Variants in F13A1 observed in about 807,000 individuals in gnomAD.
F13A1 encodes FSF, A subunit.
In F13A1, 47 loss-of-function variants were observed where a neutral mutation model predicts 80.1. The observed-to-expected ratio is 0.59, with a 90% confidence interval of 0.46 to 0.75. The LOEUF is 0.75. Ranked by LOEUF, F13A1 falls within the 30% of genes least tolerant of loss-of-function variation. F13A1 has a pLI of 0.00. For missense variants in F13A1, 817 were observed against 930.4 expected (o/e 0.88, Z 1.59); for synonymous variants, 349 against 344.9 (o/e 1.01, Z -0.13).
At chr6:6,291,665 G>A (rs1758226057) in intron 3 of F13A1, among the ~76,000 whole-genome samples, 1 of 152,124 alleles carries the variant, frequency 6.6e-6, no homozygotes, top group Non-Finnish European at 1.5e-5. Context: ...GAGTGACACT[G>A]CAACCCCCTT....
At chr6:6,259,602 T>C (rs545477831) in intron 4 of F13A1, among the ~76,000 whole-genome samples, 1 of 152,266 alleles carries the variant, frequency 6.6e-6, no homozygotes, top group Non-Finnish European at 1.5e-5. Flanking sequence ...ACACCAGATA[T>C]GTTTTTGACT....
chr6:6,311,037 T>C (rs9689553), intron 2 of F13A1, among the ~76,000 whole-genome samples: 22,459 of 88,028 alleles, frequency 0.26, 2,045 homozygotes, highest in Non-Finnish European at 0.28. Flanking sequence ...GAAACATCTG[T>C]CTTTTTTTTT....
At chr6:6,255,180 T>C (rs1252658431) in intron 4 of F13A1, among the ~76,000 whole-genome samples, 2 of 152,196 alleles carry the variant, frequency 1.3e-5, no homozygotes, top group Non-Finnish European at 2.9e-5. Flanking sequence ...TTAATGATTA[T>C]ATTTATTGAA....
At chr6:6,152,796 C>T (rs1022181303) in intron 13 of F13A1, among the ~76,000 whole-genome samples, 1 of 152,158 alleles carries the variant, frequency 6.6e-6, no homozygotes, top group Admixed American at 6.5e-5. Flanking sequence ...CCAACATAAA[C>T]GCAATGTGCC....
At chr6:6,149,796 A>G (rs1022643949) in intron 14 of F13A1, among the ~76,000 whole-genome samples, 1 of 152,166 alleles carries the variant, frequency 6.6e-6, no homozygotes, top group Non-Finnish European at 1.5e-5. Context: ...GTCTGCCTAG[A>G]CTTACGTGTT....
At chr6:6,233,138 A>G (rs1757374222) in intron 6 of F13A1, among the ~76,000 whole-genome samples, 1 of 152,108 alleles carries the variant, frequency 6.6e-6, no homozygotes, top group African/African-American at 2.4e-5. Context: ...AACAAACAAA[A>G]ATACAAAAGA....
chr6:6,212,559 T>C (rs1376277583), intron 8 of F13A1, among the ~76,000 whole-genome samples: 3 of 151,916 alleles, frequency 2.0e-5, no homozygotes, highest in African/African-American at 7.3e-5. Flanking sequence ...CAAAAGTAGA[T>C]AAAACCACAA....
chr6:6,156,025 T>C (rs1583046052), intron 13 of F13A1, among the ~76,000 whole-genome samples: 2 of 152,360 alleles, frequency 1.3e-5, no homozygotes, highest in Non-Finnish European at 2.9e-5. Context: ...TTATGTGTAT[T>C]TGCTTTAGAG....
intron 8 of F13A1, among the ~76,000 whole-genome samples, chr6:6,199,591 CTAGT>C (rs766290208): frequency 7.2e-5 from 11 of 152,154 alleles, no homozygotes; most frequent in African/African-American, 1.4e-4. Context: ...GAGGTCACAG[CTAGT>C]TAGTGATAGA....
intron 6 of F13A1, among the ~76,000 whole-genome samples, chr6:6,236,000 A>T (rs1261954793): frequency 6.6e-6 from 1 of 152,170 alleles, no homozygotes; most frequent in Non-Finnish European, 1.5e-5. Context: ...AAAAAACAGC[A>T]TGGATGAAGC....
At chr6:6,190,581 T>C (rs1389383790) in intron 10 of F13A1, among the ~76,000 whole-genome samples, 1 of 151,830 alleles carries the variant, frequency 6.6e-6, no homozygotes, top group Non-Finnish European at 1.5e-5. Context: ...GTCTGCCCCT[T>C]CTCAGATCTC....
intron 8 of F13A1, among the ~76,000 whole-genome samples, chr6:6,208,653 T>A (rs1761538582): frequency 6.6e-6 from 1 of 152,148 alleles, no homozygotes; most frequent in African/African-American, 2.4e-5. Flanking sequence ...CTTTTTTACT[T>A]TTTTTCTTTT....
intron 12 of F13A1, among the ~76,000 whole-genome samples, chr6:6,174,110 C>T (rs1218291802): frequency 6.6e-6 from 1 of 151,576 alleles, no homozygotes; most frequent in African/African-American, 2.4e-5. Flanking sequence ...GGCTTTTGGG[C>T]CGAGTGCGGT....
In F13A1 at chr6:6,243,823, G is replaced by A. The variant is rs972731431; in HGVS notation, c.798+4489C>T. Among the ~76,000 whole-genome samples the A allele has an allele frequency of 6.6e-6, 1 of 152,180 alleles. No individual in the cohort carries two copies. The highest frequency in any genetic ancestry group is 2.4e-5 in the African/African-American group (1 of 41,436). On this transcript the variant is annotated intron_variant, in intron 6 of 14. Coordinates refer to ENST00000264870, the MANE Select transcript of F13A1 (RefSeq NM_000129.4). This position sits in a 1 kb window ranked among gnomAD's most constrained non-coding sequence, Gnocchi z 4.2. ...CCACTGGTAATGCCTTGACCCACTG[G>A]AGCAAATATGGATGGAGGTGGTACA...
At chr6:6,273,429 A>G (rs1757947572) in intron 3 of F13A1, among the ~76,000 whole-genome samples, 2 of 152,202 alleles carry the variant, frequency 1.3e-5, no homozygotes, top group African/African-American at 4.8e-5. Flanking sequence ...ACCCCTCACA[A>G]GAAAGAAACT....
Position 6,197,333 on chromosome 6 carries a change from A to G in F13A1, c.1113-7T>C. 6.2e-7 allele frequency: 1 copy of G among 1,613,382 alleles called. No homozygotes were observed. The highest frequency in any genetic ancestry group is 8.5e-7 in the Non-Finnish European group (1 of 1,179,362). The stretch of plus-strand genomic sequence containing the variant: ...ATTCCAGCAGTGGTAGTTCCTTAGA[A>G]AACACAAGCCCAGAAAGGTTAAACT... On this transcript the variant is annotated splice_polypyrimidine_tract_variant and splice_region_variant and intron_variant, in intron 8 of 14. Coordinates refer to ENST00000264870, the MANE Select transcript of F13A1 (RefSeq NM_000129.4).
chr6:6,156,349 T>C (rs1353229307), intron 13 of F13A1, among the ~76,000 whole-genome samples: 4 of 152,206 alleles, frequency 2.6e-5, no homozygotes, highest in Non-Finnish European at 1.5e-5. Context: ...AGAAATTACT[T>C]TTTTAGAAAT....
At chr6:6,153,198 C>A (rs923081305) in intron 13 of F13A1, among the ~76,000 whole-genome samples, 1 of 152,272 alleles carries the variant, frequency 6.6e-6, no homozygotes, top group Non-Finnish European at 1.5e-5. Flanking sequence ...ACAGCCATTA[C>A]TATTCCATGT....
chr6:6,145,677 G>A lies in F13A1; in HGVS notation c.2141C>T (p.Ser714Phe). The A allele has an allele frequency of 6.2e-7, 1 of 1,614,120 alleles. No homozygotes were observed. ...RKLIASMSSD[S>F]LRHVYGELDV... ...CAGCTCGCCATACACATGTCTCAGG[G>A]AGTCACTGCTCATGCTGGCTATCAG... Residue 714 changes from serine to phenylalanine, a missense_variant, in exon 15 of 15, where the codon TCC (serine) becomes TTC (phenylalanine). By Grantham distance (155) the Ser-to-Phe change is radical. Coordinates refer to ENST00000264870, the MANE Select transcript of F13A1 (RefSeq NM_000129.4).
Sources: allele counts gnomAD v4.1 joint callset (sites outside exome capture counted in the v4.1 genomes callset), GRCh38; gene constraint gnomAD v4.1.1; non-coding constraint Gnocchi (gnomAD v3.1); transcripts MANE v1.5; gene names NCBI Gene and HGNC (gene_info 2026-07-23, HGNC 2026-07-21).